FBRSL1: variants seen among roughly 807,000 people sequenced by gnomAD.
The protein encoded by FBRSL1 is fibrosin like 1.
Under a neutral mutation model 89.6 loss-of-function variants are expected in FBRSL1, and 51 were observed. The ratio of observed to expected loss-of-function variants is 0.57; its 90% CI spans 0.45 to 0.72. FBRSL1 has a LOEUF of 0.72. Among genes scored for constraint, FBRSL1 ranks in the 30% least tolerant of loss-of-function variants. FBRSL1 has a pLI of 0.00. For missense variants in FBRSL1, 1,618 were observed against 1,451.8 expected (o/e 1.11, Z -1.86); for synonymous variants, 779 against 681.1 (o/e 1.14, Z -2.24).
intron 2 of FBRSL1, among the ~76,000 whole-genome samples, chr12:132,516,898 G>T (rs747332051): frequency 1.3e-5 from 2 of 152,160 alleles, no homozygotes; most frequent in Non-Finnish European, 2.9e-5. Context: ...TTTGTTTTCG[G>T]GTTGTTGAGA....
chr12:132,573,721 G>A (rs373299896), intron 11 of FBRSL1, among the ~76,000 whole-genome samples: 16 of 152,108 alleles, frequency 1.1e-4, no homozygotes, highest in Admixed American at 2.0e-4. Flanking sequence ...TTTCCCTGGC[G>A]CCCCTGGTGG....
At chr12:132,527,732 C>G (rs1410133409) in intron 3 of FBRSL1, among the ~76,000 whole-genome samples, 1 of 138,938 alleles carries the variant, frequency 7.2e-6, no homozygotes, top group Admixed American at 7.2e-5. Context: ...GGCTGCGGGG[C>G]AGGGTTGAGG....
chr12:132,540,943 C>G (rs182579245), intron 4 of FBRSL1, among the ~76,000 whole-genome samples: 15 of 152,326 alleles, frequency 9.8e-5, no homozygotes, highest in Non-Finnish European at 1.5e-4. Context: ...ATGAAATGGG[C>G]TGATACTGCT....
chr12:132,580,499 A>G lies in FBRSL1; in HGVS notation c.1835-940A>G, dbSNP rs2040671597. On this transcript the variant is annotated intron_variant, in intron 15 of 18. Transcript: ENST00000680143. ...TGTCTAGCTTGATCTGGTGGTTGAG[A>G]ATATTAATTCCTCAGCCTCTCCCAG... Among the ~76,000 whole-genome samples, 3 of 152,244 alleles carry G rather than the reference A, an allele frequency of 2.0e-5. No individual in the cohort carries two copies. The South Asian group carries it at 6.2e-4, about 32-fold the overall frequency.
chr12:132,506,196 C>A (rs2033663136), intron 1 of FBRSL1, among the ~76,000 whole-genome samples: 1 of 127,472 alleles, frequency 7.8e-6, no homozygotes, highest in Non-Finnish European at 1.7e-5. Flanking sequence ...TGACTGTGGC[C>A]GGGGTGGGGA....
At chr12:132,551,953 C>G (rs1043179991) in intron 5 of FBRSL1, 1 of 283,264 alleles carries the variant, frequency 3.5e-6, no homozygotes, top group Non-Finnish European at 7.1e-6. Context: ...CTGTCTGGCC[C>G]GTCTGTGGAA....
In FBRSL1 at chr12:132,581,375, AG is replaced by A; in HGVS notation, c.1835-63del. 2.6e-6 allele frequency: 4 copies of A among 1,550,458 alleles called. No homozygotes were observed. The South Asian group carries it at 4.8e-5, about 18-fold the overall frequency. On this transcript the variant is annotated intron_variant, in intron 15 of 18. Coordinates refer to ENST00000680143, the MANE Select transcript of FBRSL1 (RefSeq NM_001367871.1). ...AAATTGGGGTGCTCCCTGTGAACAG[AG>A]CTGCAGATGGGAGGCCCTGGTGCTC...
rs896097614 is a variant in FBRSL1, at chr12:132,570,023, C to T, written c.789C>T (p.Pro263=). The change falls in exon 7 of 19, where the codon CCC becomes CCT. Residue 263 remains proline, a synonymous_variant. Coordinates refer to ENST00000680143, the MANE Select transcript of FBRSL1 (RefSeq NM_001367871.1). The part of the protein sequence containing the change: ...SRELSAESFL[P]TASPAPHAAP... ...AGCTCAGCGCCGAGAGCTTCCTGCCCACTGCCAGCCCCGCGCCCCATGCCG... is the reference window on the plus strand; with the variant it reads ...AGCTCAGCGCCGAGAGCTTCCTGCCTACTGCCAGCCCCGCGCCCCATGCCG... 88 of 1,513,292 alleles carry T rather than the reference C, an allele frequency of 5.8e-5. No individual in the cohort carries two copies. In the African/African-American group the frequency reaches 1.2e-3, roughly 20 times the overall value. The allele number at this position is 1,513,292 out of a possible 1,614,324, so 93.7% of individuals were successfully genotyped here.
At chr12:132,559,461 G>A (rs1173202660) in intron 5 of FBRSL1, among the ~76,000 whole-genome samples, 1 of 152,096 alleles carries the variant, frequency 6.6e-6, no homozygotes, top group East Asian at 1.9e-4. Flanking sequence ...GTGCAATCTC[G>A]GCTCACTGCA....
At chr12:132,525,969 C>A in intron 3 of FBRSL1, 146 bp downstream of exon 3, 1 of 647,768 alleles carries the variant, frequency 1.5e-6, no homozygotes, top group Non-Finnish European at 2.6e-6. Flanking sequence ...GGGCCCCCTG[C>A]CCGCTGCACC....
At chr12:132,558,446 C>G (rs1191734534) in intron 5 of FBRSL1, among the ~76,000 whole-genome samples, 2 of 152,352 alleles carry the variant, frequency 1.3e-5, no homozygotes, top group Non-Finnish European at 2.9e-5. Flanking sequence ...GCAGTGCGCC[C>G]GGAAGTGCCT....
intron 6 of FBRSL1, among the ~76,000 whole-genome samples, chr12:132,569,529 C>G (rs1210025886): frequency 2.0e-5 from 3 of 152,170 alleles, no homozygotes; most frequent in Admixed American, 2.0e-4. Flanking sequence ...CCCTAGCTCC[C>G]GTGTTCAAAT....
rs2040797352 is a variant in FBRSL1 at position 132,582,071 on chromosome 12, G to A, written c.2006G>A (p.Gly669Asp). 6.5e-7 allele frequency: 1 copy of A among 1,546,828 alleles called. No homozygotes were observed. Among genetic ancestry groups the A allele is most frequent in the East Asian group, 2.4e-5 (1 of 40,840 alleles). Residue 669 changes from glycine (G) to aspartate (D), a missense_variant, in exon 18 of 19, where the codon GGC becomes GAC. Physicochemically the swap from Gly to Asp is moderately conservative, Grantham distance 94. Coordinates refer to ENST00000680143, the MANE Select transcript of FBRSL1 (RefSeq NM_001367871.1). ...GLGSHALAPG[G>D]SIFAPKEGSS... is the part of the protein sequence containing the mutation. ...CGGCCTCTGCCCCCAGCTCCCGGTG[G>A]CAGCATCTTTGCCCCCAAGGAGGGC...
intron 2 of FBRSL1, among the ~76,000 whole-genome samples, 159 bp downstream of exon 2, chr12:132,508,509 C>G (rs1425639032): frequency 6.6e-6 from 1 of 152,244 alleles, no homozygotes; most frequent in African/African-American, 2.4e-5. Flanking sequence ...GTGGACAGGG[C>G]TGGGGCCTAG....
intron 8 of FBRSL1, 147 bp downstream of exon 8, chr12:132,570,687 G>T: frequency 1.3e-6 from 1 of 752,332 alleles, no homozygotes; most frequent in South Asian, 2.2e-5. Flanking sequence ...CCCCAGGTGT[G>T]CCTTTCCCCA....
chr12:132,514,653 A>C (rs987644092), intron 2 of FBRSL1, among the ~76,000 whole-genome samples: 3 of 152,156 alleles, frequency 2.0e-5, no homozygotes, highest in Admixed American at 6.5e-5. Flanking sequence ...GGGATTTGGC[A>C]CGAAGCCTCT....
intron 5 of FBRSL1, among the ~76,000 whole-genome samples, chr12:132,556,383 G>A (rs1164125100): frequency 3.9e-5 from 6 of 152,182 alleles, no homozygotes; most frequent in South Asian, 4.1e-4. Flanking sequence ...TACACAGGCC[G>A]GGCAACAGCA....
Position 132,570,553 on chromosome 12 carries a change from GCCACAATCTCGC to G in FBRSL1, c.1213+17_1213+28del. On this transcript the variant is annotated intron_variant, in intron 8 of 18. Transcript: ENST00000680143. Reference sequence around the variant, plus strand: ...GGACACCCGGCCGGTAGGTGTCTCGGCCACAATCTCGCCCAGGGCAGGGGTTGGGGGGTGCGG... The same window carrying G: ...GGACACCCGGCCGGTAGGTGTCTCGGCCAGGGCAGGGGTTGGGGGGTGCGG... 1 of 1,494,498 alleles carries G rather than the reference GCCACAATCTCGC, an allele frequency of 6.7e-7. No homozygotes were observed. The highest frequency in any genetic ancestry group is 8.9e-7 in the Non-Finnish European group (1 of 1,124,756). The allele number at this position is 1,494,498 out of a possible 1,614,324, so 92.6% of individuals were successfully genotyped here. A position where few individuals can be genotyped will look rare whatever the true frequency, so the allele number is the denominator to read the frequency against.
At chr12:132,505,050 C>T (rs11610623) in intron 1 of FBRSL1, among the ~76,000 whole-genome samples, 31,330 of 152,136 alleles carry the variant, frequency 0.21, 4,091 homozygotes, top group Non-Finnish European at 0.29. Context: ...TGCTTAAACC[C>T]GGGATGCAGA....
Sources: allele counts gnomAD v4.1 joint callset (sites outside exome capture counted in the v4.1 genomes callset), GRCh38; gene constraint gnomAD v4.1.1; transcripts MANE v1.5; gene names NCBI Gene and HGNC (gene_info 2026-07-23, HGNC 2026-07-21).